Variants in KCNT2 observed in about 807,000 individuals in gnomAD.
KCNT2 encodes potassium channel subfamily T member 2.
KCNT2 carries 67 observed loss-of-function variants against 153.8 expected under a neutral mutation model. The ratio of observed to expected loss-of-function variants is 0.44; its 90% CI spans 0.36 to 0.53. The LOEUF is 0.53. Among genes scored for constraint, KCNT2 ranks in the 20% least tolerant of loss-of-function variants. The probability of loss-of-function intolerance (pLI) is 0.00; values close to 1 mark genes in which losing one functional copy is unlikely to be tolerated. For synonymous variants in KCNT2, 500 were observed against 458.8 expected, an observed-to-expected ratio of 1.09 and a Z score of -1.15; for missense variants, 975 against 1,354.8, an observed-to-expected ratio of 0.72 and a Z score of 4.40.
chr1:196,456,570 T>C (rs1031179620), intron 8 of KCNT2, among the ~76,000 whole-genome samples: 4 of 151,984 alleles, frequency 2.6e-5, no homozygotes, highest in African/African-American at 9.7e-5. Context: ...AATTCCTAAG[T>C]TTTAAGATCT....
chr1:196,385,791 A>ATT (rs1375038265), intron 13 of KCNT2, among the ~76,000 whole-genome samples: 3 of 150,068 alleles, frequency 2.0e-5, no homozygotes, highest in African/African-American at 7.3e-5. Context: ...ATATATATAT[A>ATT]TTTTGGATCT....
chr1:196,522,656 G>A (rs755658962), intron 1 of KCNT2, among the ~76,000 whole-genome samples: 5 of 152,136 alleles, frequency 3.3e-5, no homozygotes, highest in African/African-American at 9.7e-5. Flanking sequence ...GACTGTAAAC[G>A]CACCAATCAG....
chr1:196,395,922 A>G (rs1010329705), intron 13 of KCNT2, among the ~76,000 whole-genome samples: 1 of 151,722 alleles, frequency 6.6e-6, no homozygotes, highest in Non-Finnish European at 1.5e-5. Flanking sequence ...TGAGAGTACA[A>G]GGACAAGAAT....
chr1:196,489,163 C>T (rs1288851424), intron 3 of KCNT2, among the ~76,000 whole-genome samples: 1 of 151,868 alleles, frequency 6.6e-6, no homozygotes, highest in African/African-American at 2.4e-5. Context: ...TCAAGCAGTT[C>T]AGCATAGCTG....
chr1:196,305,404 C>T (rs1057247955), intron 21 of KCNT2, 59 bp from the exon 22 acceptor site: 16 of 934,958 alleles, frequency 1.7e-5, no homozygotes, highest in Non-Finnish European at 2.8e-5. Context: ...TTTTTTATAA[C>T]AACATATTTA....
chr1:196,446,455 AT>A (rs1420237730), intron 8 of KCNT2, among the ~76,000 whole-genome samples: 1 of 151,346 alleles, frequency 6.6e-6, no homozygotes, highest in African/African-American at 2.4e-5. Context: ...TAACTGATTG[AT>A]CTAGTCCAAC....
At chr1:196,354,168 C>A (rs533601616) in intron 14 of KCNT2, among the ~76,000 whole-genome samples, 1 of 151,510 alleles carries the variant, frequency 6.6e-6, no homozygotes, top group African/African-American at 2.4e-5. Flanking sequence ...TAGAGGTAAA[C>A]TAAAGAAAAG....
At chr1:196,322,080 C>T (rs1306056746) in intron 19 of KCNT2, among the ~76,000 whole-genome samples, 1 of 151,776 alleles carries the variant, frequency 6.6e-6, no homozygotes, top group Non-Finnish European at 1.5e-5. Context: ...ATTATGTCCC[C>T]AAAGTACTGA....
At chr1:196,419,506 C>T (rs1011692512) in intron 12 of KCNT2, among the ~76,000 whole-genome samples, 11 of 151,666 alleles carry the variant, frequency 7.3e-5, no homozygotes, top group Admixed American at 5.3e-4. Flanking sequence ...CTACAAAGGA[C>T]ATGAACTCAT....
intron 12 of KCNT2, among the ~76,000 whole-genome samples, chr1:196,418,064 T>C (rs1158513625): frequency 6.6e-6 from 1 of 152,158 alleles, no homozygotes; most frequent in African/African-American, 2.4e-5. Context: ...GTGCTATAAT[T>C]ATATTTCCAA....
At chr1:196,569,780 A>G (rs759333774) in intron 1 of KCNT2, among the ~76,000 whole-genome samples, 22 of 152,140 alleles carry the variant, frequency 1.4e-4, no homozygotes, top group Non-Finnish European at 7.4e-5. Context: ...CCCTATTCAT[A>G]CCTAAGCAAC....
At chr1:196,347,301 C>T (rs1347978544) in intron 14 of KCNT2, among the ~76,000 whole-genome samples, 3 of 152,094 alleles carry the variant, frequency 2.0e-5, no homozygotes, top group Non-Finnish European at 2.9e-5. Context: ...TTTCTTATAT[C>T]TTACTTTTTA....
chr1:196,432,498 G>A (rs1674253198), intron 8 of KCNT2, among the ~76,000 whole-genome samples: 1 of 152,094 alleles, frequency 6.6e-6, no homozygotes, highest in Admixed American at 6.6e-5. Flanking sequence ...GGTAGGGGCC[G>A]ACTCCTCCCC....
At chr1:196,520,762 T>C (rs778601943) in intron 1 of KCNT2, among the ~76,000 whole-genome samples, 1 of 152,166 alleles carries the variant, frequency 6.6e-6, no homozygotes, top group Non-Finnish European at 1.5e-5. Context: ...AGATTGAAAC[T>C]GGACACATTT....
At chr1:196,508,352 T>C (rs991308233) in intron 1 of KCNT2, among the ~76,000 whole-genome samples, 5 of 151,976 alleles carry the variant, frequency 3.3e-5, no homozygotes, top group Non-Finnish European at 5.9e-5. Context: ...AGTGAAAGTA[T>C]ACTTTAGAAA....
chr1:196,442,303 A>T lies in KCNT2; in HGVS notation c.639-12546T>A, dbSNP rs558800704. On this transcript the variant is annotated intron_variant, in intron 8 of 27. Transcript: ENST00000294725. ...TTACTTCTTGCTTCTTGGAAAACTT[A>T]TAGGATTTTCTTCTCCTGAAAAATG... Among the ~76,000 whole-genome samples, 3 of 151,814 alleles carry T rather than the reference A, an allele frequency of 2.0e-5. No individual in the cohort carries two copies. In the South Asian group the frequency reaches 6.2e-4, roughly 31 times the overall value.
At chr1:196,409,384 T>G (rs1489024393) in intron 12 of KCNT2, among the ~76,000 whole-genome samples, 1 of 151,560 alleles carries the variant, frequency 6.6e-6, no homozygotes, top group Non-Finnish European at 1.5e-5. Flanking sequence ...CACCCATCTT[T>G]CAAATAATAC....
At chr1:196,600,432 T>G (rs1374738268) in intron 1 of KCNT2, among the ~76,000 whole-genome samples, 1 of 152,224 alleles carries the variant, frequency 6.6e-6, no homozygotes, top group Non-Finnish European at 1.5e-5. Context: ...AAAGTTTTTG[T>G]TTTTATTACA....
intron 12 of KCNT2, among the ~76,000 whole-genome samples, chr1:196,401,589 G>A (rs1358160383): frequency 1.3e-5 from 2 of 151,702 alleles, no homozygotes; most frequent in Non-Finnish European, 2.9e-5. Context: ...GGGAATGACA[G>A]AAGAAAGGAG....
Sources: gnomAD v4.1 joint callset for allele counts (sites outside exome capture counted in the v4.1 genomes callset) on GRCh38, gnomAD v4.1.1 for gene constraint, MANE v1.5 for transcripts, NCBI Gene and HGNC (gene_info 2026-07-23, HGNC 2026-07-21) for gene names.